SAMD12: variants seen among roughly 807,000 people sequenced by gnomAD.
SAMD12 encodes sterile alpha motif domain-containing protein 12.
In SAMD12, 9 loss-of-function variants were observed where a neutral mutation model predicts 15.0. That is an observed-to-expected ratio of 0.60 (90% confidence interval 0.36 to 1.05). The LOEUF (loss-of-function observed/expected upper bound fraction) is 1.05. SAMD12 is among the 50% of genes least tolerant of loss of function. The pLI is 0.01. For synonymous variants in SAMD12, 86 were observed against 90.1 expected (o/e 0.96, Z 0.25); for missense variants, 230 against 234.2 (o/e 0.98, Z 0.12).
intron 2 of SAMD12, among the ~76,000 whole-genome samples, chr8:118,445,270 T>C (rs1192186541): frequency 6.6e-6 from 1 of 152,202 alleles, no homozygotes; most frequent in East Asian, 1.9e-4. Context: ...GGTTAGCTCA[T>C]AGAATACTTG....
intron 4 of SAMD12, among the ~76,000 whole-genome samples, chr8:118,290,328 AG>A: frequency 6.6e-6 from 1 of 152,162 alleles, no homozygotes; most frequent in Non-Finnish European, 1.5e-5. Flanking sequence ...TTAAACAAAA[AG>A]GGTGCTAGAC....
intron 4 of SAMD12, among the ~76,000 whole-genome samples, chr8:118,350,725 G>A (rs944923575): frequency 6.6e-6 from 1 of 152,104 alleles, no homozygotes; most frequent in Non-Finnish European, 1.5e-5. Context: ...ATGCAATAAG[G>A]CCCACACAGA....
At chr8:118,149,660 C>T in the SAMD12 span, among the ~76,000 whole-genome samples, 17 of 152,034 alleles carry the variant, frequency 1.1e-4, no homozygotes, top group African/African-American at 4.1e-4. Context: ...ATCCATGGTT[C>T]CAAAAATTTT....
intron 3 of SAMD12, among the ~76,000 whole-genome samples, chr8:118,407,376 A>T (rs1025117860): frequency 1.3e-5 from 2 of 152,176 alleles, no homozygotes; most frequent in Non-Finnish European, 2.9e-5. Flanking sequence ...ATGAAGTGAC[A>T]TATCATCAAG....
At chr8:118,414,504 G>A (rs1202623593) in intron 3 of SAMD12, among the ~76,000 whole-genome samples, 1 of 152,196 alleles carries the variant, frequency 6.6e-6, no homozygotes, top group Non-Finnish European at 1.5e-5. Flanking sequence ...GTAAGCACAT[G>A]TATTAATTTA....
chr8:118,458,950 ATGTGTGTGTGTGTGTGTG>A (rs56067272), intron 2 of SAMD12, among the ~76,000 whole-genome samples: 15 of 149,272 alleles, frequency 1.0e-4, no homozygotes, highest in African/African-American at 2.7e-4. Flanking sequence ...TCAGCTATAT[ATGTGTGTGTGTGTGTGTG>A]TGTGTGTGTG....
intron 2 of SAMD12, among the ~76,000 whole-genome samples, chr8:118,530,151 T>C (rs890744372): frequency 9.2e-5 from 14 of 152,158 alleles, no homozygotes; most frequent in African/African-American, 2.7e-4. Flanking sequence ...TTTTCGTATG[T>C]TTGTTGGCTG....
At chr8:118,147,370 T>C in the SAMD12 span, among the ~76,000 whole-genome samples, 12 of 151,954 alleles carry the variant, frequency 7.9e-5, no homozygotes, top group East Asian at 2.1e-3. Context: ...ATAATTTTTT[T>C]TTTTTTTGAA....
chr8:118,472,886 G>GAAAA (rs35896929), intron 2 of SAMD12, among the ~76,000 whole-genome samples: 2 of 147,236 alleles, frequency 1.4e-5, no homozygotes, highest in African/African-American at 5.0e-5. Flanking sequence ...ATTTTGACAG[G>GAAAA]AAAAAAAAAA....
intron 1 of SAMD12, among the ~76,000 whole-genome samples, chr8:118,590,729 T>A (rs1827567598): frequency 6.6e-6 from 1 of 152,100 alleles, no homozygotes; most frequent in African/African-American, 2.4e-5. Flanking sequence ...ATATCCAGGT[T>A]TCAATAGAAA....
At chr8:118,322,943 A>AG (rs34620108) in intron 4 of SAMD12, among the ~76,000 whole-genome samples, 48,955 of 152,074 alleles carry the variant, frequency 0.32, 8,709 homozygotes, top group African/African-American at 0.48. Flanking sequence ...TTCCTTCATA[A>AG]GACAAGACTA....
chr8:118,488,683 C>A (rs1429241339), intron 2 of SAMD12, among the ~76,000 whole-genome samples: 1 of 152,228 alleles, frequency 6.6e-6, no homozygotes, highest in Non-Finnish European at 1.5e-5. Context: ...CATATTGTTA[C>A]ACGCACGAGT....
chr8:118,417,548 G>A (rs1324217979), intron 3 of SAMD12, among the ~76,000 whole-genome samples: 2 of 152,094 alleles, frequency 1.3e-5, no homozygotes, highest in East Asian at 1.9e-4. Flanking sequence ...GGTAATGAAT[G>A]ATCTGTAAAT....
At chr8:118,235,048 G>A (rs1240268932) in intron 4 of SAMD12, among the ~76,000 whole-genome samples, 2 of 152,018 alleles carry the variant, frequency 1.3e-5, no homozygotes, top group Non-Finnish European at 2.9e-5. Flanking sequence ...TAATCAGAAG[G>A]TATAATCCAA....
At position 118,420,861 on chromosome 8, in the gene SAMD12, G is replaced by A. The variant is rs1168271640; in HGVS notation, c.322+18971C>T. Among the ~76,000 whole-genome samples, 3 of 152,256 alleles carry A rather than the reference G, an allele frequency of 2.0e-5. No homozygotes were observed. The East Asian group carries it at 5.8e-4, about 29-fold the overall frequency. On this transcript the variant is annotated intron_variant, in intron 3 of 3. Transcript: ENST00000314727. ...GAAGAAGAGATTAGAATAGGGGTTG[G>A]CAAACTACGACCCTCTGAGCTAAAT...
At chr8:118,440,029 C>T in intron 2 of SAMD12, 68 bp from the exon 3 acceptor site, 2 of 1,520,676 alleles carry the variant, frequency 1.3e-6, no homozygotes, top group Non-Finnish European at 1.8e-6. Flanking sequence ...AGTTAAAAGT[C>T]TTAGAGTGTG....
chr8:118,464,119 T>G (rs1280840970), intron 2 of SAMD12, among the ~76,000 whole-genome samples: 1 of 152,172 alleles, frequency 6.6e-6, no homozygotes, highest in East Asian at 1.9e-4. Context: ...TATACTGTCC[T>G]TTACCTTCTG....
chr8:118,518,296 A>G (rs1825298135), intron 2 of SAMD12, among the ~76,000 whole-genome samples: 1 of 152,204 alleles, frequency 6.6e-6, no homozygotes, highest in South Asian at 2.1e-4. Flanking sequence ...ATAAGCCAAG[A>G]GAGGGCTCTT....
chr8:118,564,371 G>A (rs1355752354), intron 2 of SAMD12, among the ~76,000 whole-genome samples: 2 of 152,156 alleles, frequency 1.3e-5, no homozygotes, highest in Admixed American at 6.5e-5. Flanking sequence ...GGAAGCAGTG[G>A]CTAATTGCTG....
Sources: gnomAD v4.1 joint callset for allele counts (sites outside exome capture counted in the v4.1 genomes callset) on GRCh38, gnomAD v4.1.1 for gene constraint, MANE v1.5 for transcripts, NCBI Gene and HGNC (gene_info 2026-07-23, HGNC 2026-07-21) for gene names.